Variants in LPAR6 observed in about 807,000 individuals in gnomAD.
LPAR6 encodes lysophosphatidic acid receptor 6, also known as G-protein coupled purinergic receptor P2Y5.
In LPAR6, 17 loss-of-function variants were observed where a neutral mutation model predicts 22.0. That is an observed-to-expected ratio of 0.77 (90% CI 0.53 to 1.16). The LOEUF (loss-of-function observed/expected upper bound fraction) is 1.16. LPAR6 is among the 50% of genes most tolerant of loss of function. LPAR6 has a pLI of 0.00. For synonymous variants in LPAR6, 136 were observed against 139.8 expected (o/e 0.97, Z 0.19); for missense variants, 384 against 406.9 (o/e 0.94, Z 0.48).
At position 48,390,765 on chromosome 13, in the gene LPAR6, C is replaced by T. The variant is rs117958045; in HGVS notation, n.115-953G>A. Among the ~76,000 whole-genome samples, 718 of 152,300 alleles carry T rather than the reference C, an allele frequency of 4.7e-3. 18 individuals are homozygous for T. In the East Asian group the frequency reaches 0.074, roughly 16 times the overall value. On this transcript the variant is annotated intron_variant and non_coding_transcript_variant, in intron 1 of 1. Transcript: ENST00000462781. ...CTCTGAAAACTACTTGTGCCTGATA[C>T]TAGTGAAGCCATTCCAGCTTTCTTC...
chr13:48,433,419 G>A (rs993030166), intron 1 of LPAR6, among the ~76,000 whole-genome samples: 1 of 151,906 alleles, frequency 6.6e-6, no homozygotes, highest in African/African-American at 2.4e-5. Flanking sequence ...AAGAGAATTG[G>A]GATTCTGTTG....
upstream of LPAR6, among the ~76,000 whole-genome samples, chr13:48,417,644 G>A: frequency 6.6e-6 from 1 of 152,110 alleles, no homozygotes; most frequent in East Asian, 1.9e-4. Flanking sequence ...TTGAAAAAAG[G>A]TTAGAGGAAT....
At position 48,421,779 on chromosome 13, in the gene LPAR6, A is replaced by C. The variant is rs537339714; in HGVS notation, c.-954+871T>G. Reference sequence around the variant, plus strand: ...AGCATATGAACAAAAGCTCATCATCAGCGGTCATTAATGAAATGCAAATCA... The same window carrying C: ...AGCATATGAACAAAAGCTCATCATCCGCGGTCATTAATGAAATGCAAATCA... On this transcript the variant is annotated intron_variant, in intron 2 of 4. Transcript: ENST00000345941. 1.1e-4 allele frequency among the ~76,000 whole-genome samples: 16 copies of C among 152,378 alleles called. No individual in the cohort carries two copies. The East Asian group carries it at 2.9e-3, about 27-fold the overall frequency.
chr13:48,409,863 A>T (rs1313234285), downstream of LPAR6, among the ~76,000 whole-genome samples: 1 of 151,986 alleles, frequency 6.6e-6, no homozygotes, highest in Non-Finnish European at 1.5e-5. Flanking sequence ...ACAGGTGTGA[A>T]CCACCGTGCC....
At chr13:48,430,264 A>C (rs144913033), upstream of LPAR6, among the ~76,000 whole-genome samples, 1 of 152,326 alleles carries the variant, frequency 6.6e-6, no homozygotes, top group East Asian at 1.9e-4. Flanking sequence ...AGTGGAGAAA[A>C]TTCAGGATAA....
At chr13:48,424,899 AAAATGTTATCCAGGTGTGGT>A (rs1269019051) in intron 1 of LPAR6, among the ~76,000 whole-genome samples, 1 of 152,014 alleles carries the variant, frequency 6.6e-6, no homozygotes, top group Non-Finnish European at 1.5e-5. Flanking sequence ...CTAAAAATAC[AAAATGTTATCCAGGTGTGGT>A]GGCTCACACC....
Position 48,413,081 on chromosome 13 carries a change from A to T in LPAR6, c.-658T>A, listed in dbSNP as rs1160922205. 6.0e-6 allele frequency: 1 copy of T among 167,180 alleles called. No homozygotes were observed. The highest frequency in any genetic ancestry group is 1.5e-5 in the Non-Finnish European group (1 of 68,182). 10.4% of individuals were successfully genotyped at this position (167,180 alleles called of 1,614,324 possible). A position where few individuals can be genotyped will look rare whatever the true frequency, so the allele number is the denominator to read the frequency against. On this transcript the variant is annotated 5_prime_UTR_variant, in exon 1 of 1. Transcript: ENST00000620633. Reference sequence around the variant, plus strand: ...CTTGTTGAATTGAGGCCTTTTCCTCAGTTGCCAGTTGTATCTTGAGGTCGC... The same window carrying T: ...CTTGTTGAATTGAGGCCTTTTCCTCTGTTGCCAGTTGTATCTTGAGGTCGC...
chr13:48,412,382 G>C lies in LPAR6; in HGVS notation c.42C>G (p.Ser14=), dbSNP rs148227482. The change falls in exon 1 of 1, where the codon TCC becomes TCG. Residue 14 remains serine (S), a synonymous_variant. Coordinates refer to ENST00000620633, the MANE Select transcript of LPAR6 (RefSeq NM_001162498.3). ...VNSSHCFYND[S]FKYTLYGCMF... is the part of the protein sequence containing the mutation. ...TGCACCCATACAAAGTGTACTTAAA[G>C]GAGTCATTATAGAAGCAGTGGGAGC... 6.2e-7 allele frequency: 1 copy of C among 1,613,900 alleles called. No individual in the cohort carries two copies. Among genetic ancestry groups the C allele is most frequent in the Non-Finnish European group, 8.5e-7 (1 of 1,179,942 alleles).
chr13:48,399,253 A>T (rs1948671948), intron 1 of LPAR6, among the ~76,000 whole-genome samples: 1 of 152,022 alleles, frequency 6.6e-6, no homozygotes, highest in Non-Finnish European at 1.5e-5. Context: ...TGTTTTTAGT[A>T]AAAGATTCCA....
intron 1 of LPAR6, among the ~76,000 whole-genome samples, chr13:48,437,274 A>G (rs1458175166): frequency 6.6e-6 from 1 of 152,230 alleles, no homozygotes; most frequent in Non-Finnish European, 1.5e-5. Flanking sequence ...GTTGAGTACA[A>G]GAGAAAACTA....
intron 1 of LPAR6, among the ~76,000 whole-genome samples, chr13:48,432,903 T>C (rs551214291): frequency 2.0e-5 from 3 of 152,296 alleles, no homozygotes; most frequent in Non-Finnish European, 2.9e-5. Flanking sequence ...ATCTGCTGTT[T>C]ATGATTTTCC....
intron 1 of LPAR6, among the ~76,000 whole-genome samples, chr13:48,403,132 T>A (rs1468840784): frequency 6.6e-6 from 1 of 152,206 alleles, no homozygotes; most frequent in Non-Finnish European, 1.5e-5. Flanking sequence ...TTTAAAGATC[T>A]CCTGTGTTTT....
intron 1 of LPAR6, among the ~76,000 whole-genome samples, chr13:48,401,123 T>A (rs1410710195): frequency 6.6e-6 from 1 of 152,146 alleles, no homozygotes; most frequent in Non-Finnish European, 1.5e-5. Context: ...AGTTCACTAT[T>A]CAAGTACAAA....
intron 1 of LPAR6, among the ~76,000 whole-genome samples, chr13:48,434,892 A>G (rs1949167498): frequency 6.6e-6 from 1 of 152,228 alleles, no homozygotes; most frequent in Non-Finnish European, 1.5e-5. Context: ...GCATGTATCA[A>G]TAGTTCATAC....
Position 48,400,730 on chromosome 13 carries a change from T to C in LPAR6, n.115-10918A>G, listed in dbSNP as rs546676609. On this transcript the variant is annotated intron_variant and non_coding_transcript_variant, in intron 1 of 1. Coordinates refer to the LPAR6 transcript ENST00000462781. ...ATCTCAGGTTTCCTTGTATGTAAAA[T>C]AGGGATAACTTTCAGTTGTTGTGAG... is the stretch of plus-strand genomic sequence containing the variant. Among the ~76,000 whole-genome samples the C allele has an allele frequency of 4.6e-5, 7 of 152,216 alleles. No individual in the cohort carries two copies. The South Asian group carries it at 8.3e-4, about 18-fold the overall frequency.
rs151047164 is a variant in LPAR6, at chr13:48,411,416, C to T, written c.1008G>A (p.Lys336=). ...IQHNLQTLKS[K]IFDNESAA ...AGGCAGCAGATTCATTGTCAAATAT[C>T]TTACTTTTTAAGGTCTGTAGGTTAT... Residue 336 remains lysine, a synonymous_variant, in exon 1 of 1, where the codon AAG becomes AAA. Transcript: ENST00000620633. 1.2e-4 allele frequency: 196 copies of T among 1,612,480 alleles called. 2 individuals are homozygous for T. The East Asian group carries it at 1.5e-3, about 12-fold the overall frequency.
At chr13:48,393,034 C>G (rs139414178) in intron 1 of LPAR6, among the ~76,000 whole-genome samples, 74 of 152,280 alleles carry the variant, frequency 4.9e-4, no homozygotes, top group African/African-American at 1.7e-3. Flanking sequence ...CCAGGCATTG[C>G]TCTTCTGAGT....
chr13:48,412,156 T>C lies in LPAR6; in HGVS notation c.268A>G (p.Lys90Glu). Residue 90 changes from lysine (K) to glutamate (E), a missense_variant, in exon 1 of 1, where the codon AAG becomes GAG. By Grantham distance (56) the Lys-to-Glu change is moderately conservative. Coordinates refer to ENST00000620633, the MANE Select transcript of LPAR6 (RefSeq NM_001162498.3). ...RNWPFGDLLC[K>E]ISVMLFYTNM... ...GTATAAAACAGCATCACAGAAATCTTACAAAGTAAATCTCCAAATGGCCAA... is the reference window on the plus strand; with the variant it reads ...GTATAAAACAGCATCACAGAAATCTCACAAAGTAAATCTCCAAATGGCCAA... 1 of 1,614,002 alleles carries C rather than the reference T, an allele frequency of 6.2e-7. No individual in the cohort carries two copies. Among genetic ancestry groups the C allele is most frequent in the Non-Finnish European group, 8.5e-7 (1 of 1,179,992 alleles).
upstream of LPAR6, chr13:48,415,742 G>A (rs1453597981): frequency 1.3e-5 from 2 of 152,184 alleles, no homozygotes; most frequent in African/African-American, 4.8e-5. Flanking sequence ...CATGTTTGCT[G>A]ATGAATGAAT....
Sources: gnomAD v4.1 joint callset for allele counts (sites outside exome capture counted in the v4.1 genomes callset) on GRCh38, gnomAD v4.1.1 for gene constraint, MANE v1.5 for transcripts, NCBI Gene and HGNC (gene_info 2026-07-23, HGNC 2026-07-21) for gene names.